Variants in RIMS2 observed in about 807,000 individuals in gnomAD.
The protein encoded by RIMS2 is regulating synaptic membrane exocytosis 2.
In RIMS2, 59 loss-of-function variants were observed where a neutral mutation model predicts 174.4. The observed-to-expected ratio is 0.34, with a 90% CI of 0.27 to 0.42. RIMS2 has a LOEUF of 0.42. Ranked by LOEUF, RIMS2 falls within the 10% of genes least tolerant of loss-of-function variation. The pLI is 1.00. For synonymous variants in RIMS2, 606 were observed against 572.5 expected (o/e 1.06, Z -0.84); for missense variants, 1,620 against 1,666.3 (o/e 0.97, Z 0.48).
In RIMS2 at chr8:103,786,443, T is replaced by A. The variant is rs2098444342; in HGVS notation, c.698+19906T>A. ...ATTTCCCTCTACACACTGCTTTGAA[T>A]GCGTCCCAGAGATTCTGGTATGTTG... On this transcript the variant is annotated intron_variant, in intron 3 of 23. Transcript: ENST00000504942. 2.6e-5 allele frequency among the ~76,000 whole-genome samples: 4 copies of A among 152,038 alleles called. No homozygotes were observed. The South Asian group carries it at 8.3e-4, about 32-fold the overall frequency.
chr8:104,253,799 T>G (rs1332477862), downstream of RIMS2: 2 of 152,242 alleles, frequency 1.3e-5, no homozygotes, highest in Non-Finnish European at 2.9e-5. Context: ...CACAAATATT[T>G]TTTTTAGTTC....
chr8:103,708,636 A>G (rs1426508121), intron 2 of RIMS2, among the ~76,000 whole-genome samples: 2 of 152,160 alleles, frequency 1.3e-5, no homozygotes, highest in Non-Finnish European at 2.9e-5. Context: ...TTTTAAATGT[A>G]CTGCTTTTCT....
intron 19 of RIMS2, among the ~76,000 whole-genome samples, chr8:104,164,694 T>C (rs2098786105): frequency 6.6e-6 from 1 of 152,218 alleles, no homozygotes; most frequent in East Asian, 1.9e-4. Context: ...AGCAAACTAA[T>C]GCAGGAACAG....
Position 103,882,159 on chromosome 8 carries a change from G to A in RIMS2, c.699-3139G>A, listed in dbSNP as rs567753076. Reference sequence around the variant, plus strand: ...AAATATACAAATTATCAATGATATTGCTTTATCTATTAAATATTTTCCACC... The same window carrying A: ...AAATATACAAATTATCAATGATATTACTTTATCTATTAAATATTTTCCACC... On this transcript the variant is annotated intron_variant, in intron 3 of 23. Coordinates refer to ENST00000504942, the Ensembl canonical transcript of RIMS2. Among the ~76,000 whole-genome samples the A allele has an allele frequency of 2.6e-5, 4 of 151,380 alleles. No homozygotes were observed. In the South Asian group the frequency reaches 8.3e-4, roughly 32 times the overall value.
chr8:104,092,160 A>G (rs2097671633), intron 19 of RIMS2, among the ~76,000 whole-genome samples: 1 of 151,790 alleles, frequency 6.6e-6, no homozygotes, highest in Non-Finnish European at 1.5e-5. Context: ...TATCGGATCT[A>G]CTGTTTATGC....
chr8:104,055,596 G>A (rs1248148086), intron 19 of RIMS2, among the ~76,000 whole-genome samples: 2 of 152,032 alleles, frequency 1.3e-5, no homozygotes, highest in African/African-American at 4.8e-5. Flanking sequence ...TTAAAATTTA[G>A]TTTACCCTCA....
chr8:104,208,744 A>G (rs1020537540), intron 19 of RIMS2, among the ~76,000 whole-genome samples: 3 of 152,166 alleles, frequency 2.0e-5, no homozygotes, highest in African/African-American at 7.2e-5. Context: ...AAATTTGAAC[A>G]TGAAGATGTA....
chr8:103,965,814 C>T (rs2154546468), intron 15 of RIMS2, among the ~76,000 whole-genome samples: 1 of 152,062 alleles, frequency 6.6e-6, no homozygotes, highest in African/African-American at 2.4e-5. Context: ...TGAGGAAGAT[C>T]CCCCATATTC....
At chr8:104,125,475 A>G (rs79610690) in intron 19 of RIMS2, among the ~76,000 whole-genome samples, 1 of 152,150 alleles carries the variant, frequency 6.6e-6, no homozygotes, top group Non-Finnish European at 1.5e-5. Context: ...TGCCTAGTAC[A>G]TAATAGATGG....
chr8:103,854,241 CA>C (rs1444001651), intron 3 of RIMS2, among the ~76,000 whole-genome samples: 1 of 151,980 alleles, frequency 6.6e-6, no homozygotes, highest in African/African-American at 2.4e-5. Context: ...TAATTTTTAT[CA>C]GTTCTAGTAG....
At chr8:104,070,742 G>A (rs1372849915) in intron 19 of RIMS2, among the ~76,000 whole-genome samples, 1 of 151,936 alleles carries the variant, frequency 6.6e-6, no homozygotes, top group Non-Finnish European at 1.5e-5. Context: ...CTATACTTCA[G>A]GAAGGAATGT....
At chr8:103,938,568 T>C (rs11787103) in intron 13 of RIMS2, among the ~76,000 whole-genome samples, 19,250 of 151,876 alleles carry the variant, frequency 0.13, 1,666 homozygotes, top group Non-Finnish European at 0.19. Flanking sequence ...TTCCATTCTG[T>C]CCCCTCCCAA....
intron 19 of RIMS2, among the ~76,000 whole-genome samples, chr8:104,100,996 T>TA (rs2097877009): frequency 7.4e-6 from 1 of 134,460 alleles, no homozygotes; most frequent in African/African-American, 3.0e-5. Flanking sequence ...ATATAGTATA[T>TA]GTTATATATG....
intron 1 of RIMS2, 91 bp downstream of exon 1, chr8:103,501,153 GCCCT>G (rs1819537812): frequency 9.7e-7 from 1 of 1,034,106 alleles, no homozygotes; most frequent in Non-Finnish European, 1.3e-6. Context: ...CCAGTTCGCC[GCCCT>G]CCCTCCCGCT....
chr8:103,609,331 C>A (rs572306777), intron 1 of RIMS2, among the ~76,000 whole-genome samples: 1 of 152,138 alleles, frequency 6.6e-6, no homozygotes, highest in Non-Finnish European at 1.5e-5. Flanking sequence ...TTGATAATTT[C>A]TTTTGCTGTA....
intron 19 of RIMS2, among the ~76,000 whole-genome samples, chr8:104,063,041 CAGTT>C (rs1402082611): frequency 2.6e-5 from 4 of 151,874 alleles, no homozygotes; most frequent in African/African-American, 4.8e-5. Flanking sequence ...TTTAAAAAAT[CAGTT>C]AGATGTATTA....
chr8:103,980,076 C>T (rs1003181804), intron 16 of RIMS2, among the ~76,000 whole-genome samples: 1 of 152,152 alleles, frequency 6.6e-6, no homozygotes, highest in Non-Finnish European at 1.5e-5. Flanking sequence ...TAGGATGGCA[C>T]ATGACCTAAG....
intron 3 of RIMS2, among the ~76,000 whole-genome samples, chr8:103,880,063 A>G (rs2099160160): frequency 6.6e-6 from 1 of 151,646 alleles, no homozygotes; most frequent in African/African-American, 2.4e-5. Flanking sequence ...CTTTGGGGAA[A>G]CATTGCCTTT....
chr8:104,058,584 T>G (rs2096917543), intron 19 of RIMS2, among the ~76,000 whole-genome samples: 1 of 151,150 alleles, frequency 6.6e-6, no homozygotes, highest in Middle Eastern at 3.4e-3. Flanking sequence ...TAGATCCCAT[T>G]TGTCAATTTT....
Sources: gnomAD v4.1 joint callset for allele counts (sites outside exome capture counted in the v4.1 genomes callset) on GRCh38, gnomAD v4.1.1 for gene constraint, MANE v1.5 for transcripts, NCBI Gene and HGNC (gene_info 2026-07-23, HGNC 2026-07-21) for gene names.